PRKCE: variants seen among roughly 807,000 people sequenced by gnomAD.
The protein encoded by PRKCE is protein kinase C epsilon, also known as protein kinase C epsilon type.
Under a neutral mutation model 85.4 loss-of-function variants are expected in PRKCE, and 16 were observed. The observed-to-expected ratio is 0.19, with a 90% CI of 0.13 to 0.28. PRKCE has a LOEUF of 0.28. Among genes scored for constraint, PRKCE ranks in the 10% least tolerant of loss-of-function variants. The pLI is 1.00. For synonymous variants in PRKCE, 388 were observed against 371.5 expected (o/e 1.04, Z -0.51); for missense variants, 573 against 975.2 (o/e 0.59, Z 5.49).
intron 14 of PRKCE, among the ~76,000 whole-genome samples, chr2:46,161,133 A>AG (rs1677717903): frequency 6.6e-6 from 1 of 152,212 alleles, no homozygotes; most frequent in Non-Finnish European, 1.5e-5. Flanking sequence ...GTAGACTCTA[A>AG]GCTCCCTGGG....
intron 1 of PRKCE, among the ~76,000 whole-genome samples, chr2:45,772,443 G>A (rs980402291): frequency 5.9e-5 from 9 of 152,168 alleles, no homozygotes; most frequent in African/African-American, 1.9e-4. Flanking sequence ...GTCACAATGA[G>A]AAAGAAATGC....
At chr2:46,023,861 C>T (rs1329500371) in intron 10 of PRKCE, among the ~76,000 whole-genome samples, 1 of 148,518 alleles carries the variant, frequency 6.7e-6, no homozygotes, top group Admixed American at 6.7e-5. Flanking sequence ...TCAGGGTCAT[C>T]TTTGGCTCAA....
intron 1 of PRKCE, among the ~76,000 whole-genome samples, chr2:45,797,857 T>G (rs1012777552): frequency 1.3e-5 from 2 of 152,186 alleles, no homozygotes; most frequent in African/African-American, 4.8e-5. Flanking sequence ...GTTGAGGGGA[T>G]CCAGGCCTTC....
chr2:45,822,124 T>G (rs1689583102), intron 1 of PRKCE, among the ~76,000 whole-genome samples: 1 of 152,216 alleles, frequency 6.6e-6, no homozygotes, highest in South Asian at 2.1e-4. Flanking sequence ...GTGTACCTTT[T>G]CAGAAATGGT....
chr2:45,876,909 A>T (rs1382829326), intron 2 of PRKCE, among the ~76,000 whole-genome samples: 1 of 152,146 alleles, frequency 6.6e-6, no homozygotes, highest in East Asian at 1.9e-4. Flanking sequence ...ACTTCTTTTG[A>T]ATTGAATTTA....
intron 10 of PRKCE, among the ~76,000 whole-genome samples, chr2:46,048,917 C>T (rs986263863): frequency 1.2e-4 from 18 of 152,242 alleles, no homozygotes; most frequent in African/African-American, 4.1e-4. Flanking sequence ...GTATGGGGCA[C>T]CAGTCATGTG....
At chr2:46,033,187 T>C (rs1035117948) in intron 10 of PRKCE, among the ~76,000 whole-genome samples, 2 of 152,244 alleles carry the variant, frequency 1.3e-5, no homozygotes, top group African/African-American at 4.8e-5. Context: ...ACATCACTTA[T>C]GGACTTAGTC....
intron 1 of PRKCE, among the ~76,000 whole-genome samples, chr2:45,788,062 C>T (rs192876571): frequency 1.6e-3 from 241 of 152,240 alleles, no homozygotes; most frequent in Middle Eastern, 6.8e-3. Flanking sequence ...CAGGCCTCAC[C>T]GTGTTCTGAC....
intron 1 of PRKCE, among the ~76,000 whole-genome samples, chr2:45,695,072 C>T (rs1678033078): frequency 6.6e-6 from 1 of 152,148 alleles, no homozygotes; most frequent in African/African-American, 2.4e-5. Flanking sequence ...AGTTCCTTCT[C>T]CCTGTTTTTC....
chr2:45,977,094 G>A (rs796793760), intron 3 of PRKCE, among the ~76,000 whole-genome samples: 33 of 151,982 alleles, frequency 2.2e-4, no homozygotes, highest in African/African-American at 7.5e-4. Context: ...GTAGGGTTTC[G>A]CCATGTTGGC....
chr2:46,019,093 A>T (rs1706417303), intron 10 of PRKCE, among the ~76,000 whole-genome samples: 1 of 152,250 alleles, frequency 6.6e-6, no homozygotes, highest in Admixed American at 6.5e-5. Context: ...ACTAAGACTT[A>T]AATGTCTTTA....
chr2:45,879,039 G>A (rs376325818), intron 2 of PRKCE, among the ~76,000 whole-genome samples: 15 of 152,250 alleles, frequency 9.9e-5, no homozygotes, highest in African/African-American at 3.4e-4. Flanking sequence ...CTGGAACTAC[G>A]GCAAAAAGTG....
intron 1 of PRKCE, among the ~76,000 whole-genome samples, chr2:45,687,645 T>G (rs1000195997): frequency 1.3e-5 from 2 of 152,254 alleles, no homozygotes; most frequent in Non-Finnish European, 2.9e-5. Flanking sequence ...CATTACTCTA[T>G]GTTTCATTTT....
intron 1 of PRKCE, among the ~76,000 whole-genome samples, chr2:45,837,823 C>T (rs932129567): frequency 2.6e-5 from 4 of 152,120 alleles, no homozygotes; most frequent in African/African-American, 4.8e-5. Flanking sequence ...GCAGCCATGA[C>T]GGCACCACTT....
chr2:45,750,103 G>C (rs187529011), intron 1 of PRKCE, among the ~76,000 whole-genome samples: 1 of 152,284 alleles, frequency 6.6e-6, no homozygotes, highest in African/African-American at 2.4e-5. Context: ...CAAAGGGTTG[G>C]TGCATCCTGT....
chr2:45,972,284 C>T (rs543172539), intron 2 of PRKCE, among the ~76,000 whole-genome samples: 15 of 152,146 alleles, frequency 9.9e-5, no homozygotes, highest in South Asian at 4.1e-4. Flanking sequence ...AAAGTCTACT[C>T]GGTTCTTTTG....
Position 45,951,316 on chromosome 2 carries a change from C to G in PRKCE, c.413-25113C>G, listed in dbSNP as rs150400677. Among the ~76,000 whole-genome samples the G allele has an allele frequency of 2.3e-3, 352 of 152,328 alleles. 3 individuals are homozygous for G. The highest frequency in any genetic ancestry group is 7.9e-3 in the African/African-American group (328 of 41,582). On this transcript the variant is annotated intron_variant, in intron 2 of 14. Coordinates refer to ENST00000306156, the MANE Select transcript of PRKCE (RefSeq NM_005400.3). ...AGGCTCTAAGGAGGAACCCAGTCCT[C>G]TGGGAAACAGCTTCATACAGACTGT...
At chr2:46,157,184 C>T (rs1228811695) in intron 13 of PRKCE, among the ~76,000 whole-genome samples, 3 of 152,084 alleles carry the variant, frequency 2.0e-5, no homozygotes, top group Non-Finnish European at 2.9e-5. Flanking sequence ...TCCTGATTCC[C>T]GGAGCCCCAT....
chr2:45,892,381 T>C (rs1293099770), intron 2 of PRKCE, among the ~76,000 whole-genome samples: 1 of 151,964 alleles, frequency 6.6e-6, no homozygotes, highest in East Asian at 1.9e-4. Context: ...CGGGGCTCAC[T>C]AGGTATTTGA....
Sources: gnomAD v4.1 joint callset for allele counts (sites outside exome capture counted in the v4.1 genomes callset) on GRCh38, gnomAD v4.1.1 for gene constraint, MANE v1.5 for transcripts, NCBI Gene and HGNC (gene_info 2026-07-23, HGNC 2026-07-21) for gene names.